The following SMG5 variants were observed in gnomAD, a reference collection of about 807,000 sequenced individuals.
The protein encoded by SMG5 is SMG5 nonsense mediated mRNA decay factor, also known as nonsense-mediated mRNA decay factor SMG5.
Under a neutral mutation model 122.9 loss-of-function variants are expected in SMG5, and 53 were observed. The observed-to-expected ratio is 0.43, with a 90% confidence interval of 0.35 to 0.54. The LOEUF (loss-of-function observed/expected upper bound fraction) is 0.54. Among genes scored for constraint, SMG5 ranks in the 20% least tolerant of loss-of-function variants. The pLI, the probability that SMG5 is intolerant of heterozygous loss-of-function variation, is 0.01. For synonymous variants in SMG5, 477 were observed against 490.2 expected, an observed-to-expected ratio of 0.97 and a Z score of 0.35; for missense variants, 1,153 against 1,285.6, an observed-to-expected ratio of 0.90 and a Z score of 1.58.
upstream of SMG5, chr1:156,285,855 T>C: frequency 6.2e-7 from 1 of 1,613,774 alleles, no homozygotes; most frequent in Non-Finnish European, 8.5e-7. Context: ...GCACTCATTC[T>C]CTTCCCTTGC....
chr1:156,286,295 T>A (rs1379834193), upstream of SMG5: 8 of 1,614,256 alleles, frequency 5.0e-6, no homozygotes, highest in East Asian at 1.8e-4. Flanking sequence ...GTTATGCTTT[T>A]CTGCCCTTCG....
At chr1:156,256,306 CTCTCTTTTTT>C (rs1302183824) in intron 16 of SMG5, among the ~76,000 whole-genome samples, 6 of 138,198 alleles carry the variant, frequency 4.3e-5, no homozygotes, top group Non-Finnish European at 7.8e-5. Context: ...GAGCCATCTT[CTCTCTTTTTT>C]TTTTTTTTTT....
intron 9 of SMG5, 94 bp downstream of exon 9, chr1:156,268,021 G>A: frequency 1.5e-6 from 2 of 1,302,728 alleles, no homozygotes; most frequent in Admixed American, 2.0e-5. Context: ...ACTGAGGGCA[G>A]AACTCGACAG....
chr1:156,288,072 G>A, the SMG5 span, among the ~76,000 whole-genome samples: 1 of 151,816 alleles, frequency 6.6e-6, no homozygotes, highest in Non-Finnish European at 1.5e-5. Flanking sequence ...AAAATTAGCC[G>A]GGTGCGGTGG....
chr1:156,285,741 G>A (rs746318820), upstream of SMG5: 75 of 1,613,058 alleles, frequency 4.6e-5, no homozygotes, highest in African/African-American at 1.1e-4. Flanking sequence ...CCCACTGAGC[G>A]CAAGTGGGCT....
intron 19 of SMG5, among the ~76,000 whole-genome samples, chr1:156,252,058 C>T (rs946883453): frequency 1.3e-5 from 2 of 152,152 alleles, no homozygotes; most frequent in Admixed American, 1.3e-4. Flanking sequence ...ATCACCTGTC[C>T]CAACCCCAAA....
chr1:156,285,883 T>A (rs1663142529), upstream of SMG5: 1 of 1,613,782 alleles, frequency 6.2e-7, no homozygotes, highest in Non-Finnish European at 8.5e-7. Flanking sequence ...ACGGGGCATA[T>A]GCCTTCCTGC....
intron 3 of SMG5, 33 bp from the exon 4 acceptor site, chr1:156,277,274 G>A: frequency 2.5e-6 from 4 of 1,603,268 alleles, no homozygotes; most frequent in Non-Finnish European, 3.4e-6. Flanking sequence ...GGCTGGTTAA[G>A]CAATAAACTC....
chr1:156,268,776 A>C (rs1242240549), intron 7 of SMG5, among the ~76,000 whole-genome samples: 1 of 152,228 alleles, frequency 6.6e-6, no homozygotes, highest in Non-Finnish European at 1.5e-5. Flanking sequence ...ACTATGTGCA[A>C]GAATATTTAC....
intron 9 of SMG5, among the ~76,000 whole-genome samples, 200 bp downstream of exon 9, chr1:156,267,915 C>T (rs1344926252): frequency 6.6e-6 from 1 of 152,156 alleles, no homozygotes; most frequent in Admixed American, 6.5e-5. Context: ...CCATTCTGTG[C>T]CATAGGGAGA....
intron 7 of SMG5, among the ~76,000 whole-genome samples, chr1:156,271,661 C>CCTCCTGGGTTCAAGTGATT (rs200382333): frequency 8.7e-6 from 1 of 115,338 alleles, no homozygotes; most frequent in South Asian, 3.2e-4. Context: ...GCAACCTCTG[C>CCTCCTGGGTTCAAGTGATT]CTCCTGGGTT....
At chr1:156,250,763 A>G in intron 21 of SMG5, 93 bp from the exon 22 acceptor site, 1 of 1,599,458 alleles carries the variant, frequency 6.3e-7, no homozygotes, top group South Asian at 1.1e-5. Context: ...GATGGAAGAG[A>G]AAAAAAGGTA....
At position 156,264,267 on chromosome 1, in the gene SMG5, CAAAAAAAAAAAAA is replaced by C. The variant is rs1205363773; in HGVS notation, c.1856-710_1856-698del. The stretch of plus-strand genomic sequence containing the variant: ...TGGGCAACAGAGCGAGACTCCGTCT[CAAAAAAAAAAAAA>C]AAAAAAAAAAAAAGAGTTACTTTTA... On this transcript the variant is annotated intron_variant, in intron 12 of 21. Transcript: ENST00000361813. Among the ~76,000 whole-genome samples, 35 of 53,980 alleles carry C rather than the reference CAAAAAAAAAAAAA, an allele frequency of 6.5e-4. No individual in the cohort carries two copies. In the East Asian group the frequency reaches 0.019, roughly 29 times the overall value. The allele number at this position is 53,980 out of a possible 152,430, so 35.4% of individuals were successfully genotyped here. A position where few individuals can be genotyped will look rare whatever the true frequency, so the allele number is the denominator to read the frequency against.
Position 156,277,964 on chromosome 1 carries a change from T to C in SMG5, c.258A>G (p.Val86=). The change falls in exon 3 of 22, where the codon GTA becomes GTG. Residue 86 remains valine, a synonymous_variant. Coordinates refer to ENST00000361813, the MANE Select transcript of SMG5 (RefSeq NM_015327.3). ...RKAEELLWRK[V]YYEVIQLIKT... ...TGATAAGCTGGATAACTTCATAGTATACCTTTCTCCACAGCAGCTCCTCAG... is the reference window on the plus strand; with the variant it reads ...TGATAAGCTGGATAACTTCATAGTACACCTTTCTCCACAGCAGCTCCTCAG... 1.9e-6 allele frequency: 3 copies of C among 1,614,166 alleles called. No individual in the cohort carries two copies. Among genetic ancestry groups the C allele is most frequent in the East Asian group, 2.2e-5 (1 of 44,888 alleles).
In SMG5 at chr1:156,266,196, C is replaced by T. The variant is rs779243454; in HGVS notation, c.1440G>A (p.Ser480=). ...DDSDLSEGFE[S]DSSHDSARAS... is the part of the protein sequence containing the mutation. ...CCCGGGCTGAGTCATGGCTTGAGTC[C>T]GATTCAAAGCCTTCACTCAGGTCAC... is the stretch of plus-strand genomic sequence containing the variant. The change falls in exon 12 of 22, where the codon TCG becomes TCA. Residue 480 remains serine (S), a synonymous_variant. Coordinates refer to ENST00000361813, the MANE Select transcript of SMG5 (RefSeq NM_015327.3). 25 of 1,614,086 alleles carry T rather than the reference C, an allele frequency of 1.5e-5. No homozygotes were observed. Among genetic ancestry groups the T allele is most frequent in the Admixed American group, 5.0e-5 (3 of 60,002 alleles).
chr1:156,287,441 T>TA (rs568225119), upstream of SMG5, among the ~76,000 whole-genome samples: 84 of 151,844 alleles, frequency 5.5e-4, no homozygotes, highest in African/African-American at 1.4e-3. Context: ...TAATTAAAAT[T>TA]AAAAAAATAT....
At chr1:156,291,324 A>G in the SMG5 span, 2 of 1,519,170 alleles carry the variant, frequency 1.3e-6, no homozygotes, top group Admixed American at 1.7e-5. Flanking sequence ...CCGTCAGCCT[A>G]TTGCCAATCA....
At chr1:156,264,700 G>A (rs1354271226) in intron 12 of SMG5, among the ~76,000 whole-genome samples, 1 of 152,138 alleles carries the variant, frequency 6.6e-6, no homozygotes, top group African/African-American at 2.4e-5. Context: ...GGGAGGAAAA[G>A]CACTTGCCAG....
intron 3 of SMG5, among the ~76,000 whole-genome samples, chr1:156,277,596 T>A (rs1662743083): frequency 6.8e-6 from 1 of 146,560 alleles, no homozygotes; most frequent in South Asian, 2.4e-4. Context: ...CATCGCAACC[T>A]CTGCCTCCTG....
Sources: gnomAD v4.1 joint callset for allele counts (sites outside exome capture counted in the v4.1 genomes callset) on GRCh38, gnomAD v4.1.1 for gene constraint, MANE v1.5 for transcripts, NCBI Gene and HGNC (gene_info 2026-07-23, HGNC 2026-07-21) for gene names.